Variants in MEF2C observed in about 807,000 individuals in gnomAD.
MEF2C encodes the protein myocyte-specific enhancer factor 2C.
In MEF2C, 6 loss-of-function variants were observed where a neutral mutation model predicts 50.5. The ratio of observed to expected loss-of-function variants is 0.12; its 90% confidence interval spans 0.07 to 0.23. The LOEUF is 0.23. Among genes scored for constraint, MEF2C ranks in the 10% least tolerant of loss-of-function variants. The probability of loss-of-function intolerance (pLI) is 1.00; values close to 1 mark genes in which losing one functional copy is unlikely to be tolerated. For synonymous variants in MEF2C, 183 were observed against 228.0 expected (o/e 0.80, Z 1.78); for missense variants, 276 against 605.0 (o/e 0.46, Z 5.70).
At chr5:88,883,605 A>G (rs1833623862), upstream of MEF2C, 1 of 152,038 alleles carries the variant, frequency 6.6e-6, no homozygotes, top group Non-Finnish European at 1.5e-5. Flanking sequence ...GTCCGATGAA[A>G]TGTCTTTTGC....
At position 88,719,829 on chromosome 5, in the gene MEF2C, C is replaced by A. The variant is rs747091405; in HGVS notation, c.*2775G>T. 2 of 152,166 alleles carry A rather than the reference C, an allele frequency of 1.3e-5. No individual in the cohort carries two copies. The highest frequency in any genetic ancestry group is 2.9e-5 in the Non-Finnish European group (2 of 68,012). The allele number at this position is 152,166 out of a possible 1,614,324, so 9.4% of individuals were successfully genotyped here. ...CTTTATAAGAATTCAGTAGTGGGAA[C>A]AAGAGATGACTGGCATCCATTTTCA... On this transcript the variant is annotated 3_prime_UTR_variant, in exon 11 of 11. Coordinates refer to ENST00000504921, the MANE Select transcript of MEF2C (RefSeq NM_002397.5).
intron 2 of MEF2C, among the ~76,000 whole-genome samples, chr5:88,820,711 C>T (rs11958401): frequency 0.079 from 12,011 of 152,028 alleles, 564 homozygotes; most frequent in Non-Finnish European, 0.098. Context: ...AAGCATTTTT[C>T]TTTGCAACAT....
At chr5:88,770,421 T>C (rs745997450) in intron 3 of MEF2C, among the ~76,000 whole-genome samples, 9 of 152,230 alleles carry the variant, frequency 5.9e-5, no homozygotes, top group Non-Finnish European at 1.2e-4. Flanking sequence ...TATGCGTGAT[T>C]AGTCATTTGA....
intron 3 of MEF2C, among the ~76,000 whole-genome samples, chr5:88,790,500 G>A (rs576668548): frequency 9.2e-5 from 14 of 152,260 alleles, no homozygotes; most frequent in Admixed American, 7.9e-4. Context: ...ACTGGCCAAA[G>A]CACTAACAGG....
intron 3 of MEF2C, among the ~76,000 whole-genome samples, chr5:88,786,831 T>C (rs1040296137): frequency 3.3e-5 from 5 of 152,246 alleles, no homozygotes; most frequent in Non-Finnish European, 7.3e-5. Flanking sequence ...TTCAAGGCCA[T>C]GCCTTCATCT....
intron 1 of MEF2C, among the ~76,000 whole-genome samples, chr5:88,878,179 A>G (rs951774039): frequency 3.3e-5 from 5 of 152,062 alleles, no homozygotes; most frequent in African/African-American, 9.7e-5. Flanking sequence ...ACACATATAC[A>G]GAATGAAGTT....
At chr5:88,828,389 C>T (rs978724336) in intron 1 of MEF2C, among the ~76,000 whole-genome samples, 2 of 150,960 alleles carry the variant, frequency 1.3e-5, no homozygotes, top group Non-Finnish European at 3.0e-5. Context: ...TGTCAATTTT[C>T]AAAAAAAAAT....
intron 1 of MEF2C, among the ~76,000 whole-genome samples, chr5:88,848,002 G>A (rs538286855): frequency 1.3e-5 from 2 of 152,254 alleles, no homozygotes; most frequent in South Asian, 2.1e-4. Context: ...TAACTAAAAA[G>A]TGGGAATACA....
At chr5:88,830,791 C>T (rs1812718711) in intron 1 of MEF2C, among the ~76,000 whole-genome samples, 3 of 152,026 alleles carry the variant, frequency 2.0e-5, no homozygotes, top group Admixed American at 2.0e-4. Context: ...TAGGGCTCAC[C>T]ACAAAGGTAA....
At chr5:88,754,541 T>C (rs962369827) in intron 4 of MEF2C, among the ~76,000 whole-genome samples, 2 of 152,200 alleles carry the variant, frequency 1.3e-5, no homozygotes, top group Middle Eastern at 6.3e-3. Context: ...ACTGGTACTC[T>C]ACAGGGGTGG....
chr5:88,848,410 T>A (rs564129694), intron 1 of MEF2C, among the ~76,000 whole-genome samples: 1 of 152,266 alleles, frequency 6.6e-6, no homozygotes, highest in African/African-American at 2.4e-5. Flanking sequence ...AAAAATTACA[T>A]CCTTAAGGTA....
intron 2 of MEF2C, among the ~76,000 whole-genome samples, chr5:88,816,060 G>T (rs1232828812): frequency 2.0e-5 from 3 of 151,938 alleles, no homozygotes; most frequent in Admixed American, 2.0e-4. Context: ...GTTTTAAGTA[G>T]AAATTATATG....
chr5:88,817,347 G>A (rs999264021), intron 2 of MEF2C, among the ~76,000 whole-genome samples: 1 of 151,814 alleles, frequency 6.6e-6, no homozygotes. Flanking sequence ...GTTTAGTGTC[G>A]AATAGACCAG....
intron 1 of MEF2C, among the ~76,000 whole-genome samples, chr5:88,873,083 A>C (rs1020812901): frequency 6.6e-6 from 1 of 151,874 alleles, no homozygotes; most frequent in Non-Finnish European, 1.5e-5. Context: ...ACACCGTTGG[A>C]GTTCTGGTCT....
chr5:88,760,472 AACCCT>A (rs1285064967), intron 4 of MEF2C, among the ~76,000 whole-genome samples: 4 of 152,270 alleles, frequency 2.6e-5, no homozygotes, highest in African/African-American at 4.8e-5. Flanking sequence ...CATTAGCTTT[AACCCT>A]TCAGTGCTGT....
At chr5:88,774,053 A>G (rs181590850) in intron 3 of MEF2C, among the ~76,000 whole-genome samples, 126 of 152,316 alleles carry the variant, frequency 8.3e-4, no homozygotes, top group Non-Finnish European at 1.6e-3. Flanking sequence ...CAGACTTAGC[A>G]TAAGGACAGG....
intron 1 of MEF2C, among the ~76,000 whole-genome samples, chr5:88,894,171 T>C (rs1046213021): frequency 6.6e-6 from 1 of 152,204 alleles, no homozygotes; most frequent in Non-Finnish European, 1.5e-5. Flanking sequence ...CTTTTAGACA[T>C]GTACTATTAT....
chr5:88,901,689 C>G (rs12188048), intron 1 of MEF2C, among the ~76,000 whole-genome samples: 27,463 of 151,688 alleles, frequency 0.18, 2,668 homozygotes, highest in Admixed American at 0.26. Flanking sequence ...TTAAAATAAA[C>G]CATTCCCATA....
chr5:88,762,929 A>G (rs1243155981), intron 3 of MEF2C, among the ~76,000 whole-genome samples: 1 of 152,232 alleles, frequency 6.6e-6, no homozygotes, highest in African/African-American at 2.4e-5. Flanking sequence ...ATAAAACAAC[A>G]TGAGTTAAAA....
Sources: allele counts gnomAD v4.1 joint callset (sites outside exome capture counted in the v4.1 genomes callset), GRCh38; gene constraint gnomAD v4.1.1; transcripts MANE v1.5; gene names NCBI Gene and HGNC (gene_info 2026-07-23, HGNC 2026-07-21).